The following AFF1 variants were observed in gnomAD, a reference collection of about 807,000 sequenced individuals.
AFF1 encodes ALF transcription elongation factor 1.
A neutral mutation model predicts 121.7 loss-of-function variants in AFF1; 48 were observed. The observed-to-expected ratio is 0.39, with a 90% CI of 0.31 to 0.50. AFF1 has a LOEUF of 0.50. AFF1 is among the 20% of genes least tolerant of loss of function. The pLI is 0.76. For synonymous variants in AFF1, 613 were observed against 563.0 expected, an observed-to-expected ratio of 1.09 and a Z score of -1.26; for missense variants, 1,523 against 1,511.7, an observed-to-expected ratio of 1.01 and a Z score of -0.12.
rs774827462 is a variant in AFF1 at position 87,110,552 on chromosome 4, ACTCT to A, written c.1533+2240_1533+2243del. On this transcript the variant is annotated intron_variant, in intron 11 of 20. Coordinates refer to ENST00000395146, the MANE Select transcript of AFF1 (RefSeq NM_001166693.3). ...CCAATCCTCTGGTAACCATCCTTCT[ACTCT>A]CTATCTCCATGAGTTCAATTGTTTG... Among the ~76,000 whole-genome samples the A allele has an allele frequency of 1.2e-3, 174 of 149,566 alleles. 1 individual carries two copies. The highest frequency in any genetic ancestry group is 2.0e-3 in the Non-Finnish European group (133 of 67,566).
chr4:87,011,676 T>G lies in AFF1; in HGVS notation c.39-34490T>G, dbSNP rs576940624. ...TGATCCATTGAATATTCTCACTTTT[T>G]CCTTCTTGTGACACCATTGTAAACA... is the stretch of plus-strand genomic sequence containing the variant. On this transcript the variant is annotated intron_variant, in intron 2 of 20. Transcript: ENST00000395146. Among the ~76,000 whole-genome samples the G allele has an allele frequency of 2.6e-5, 4 of 152,202 alleles. No homozygotes were observed. In the South Asian group the frequency reaches 8.3e-4, roughly 32 times the overall value.
rs1363698024 is a variant in AFF1, at chr4:87,115,003, A to G, written c.2170A>G (p.Ser724Gly). Residue 724 changes from serine to glycine, a missense_variant, in exon 12 of 21, where the codon AGC (serine) becomes GGC (glycine). Around this residue, in one of 5 missense-constraint regions of AFF1, gnomAD observed 905 missense variants for 842.5 expected, o/e 1.07. Transcript: ENST00000395146. ...GAGCCAGGGCCCACCCCACAGTGGCAGCGGCAGCAGGACTAGTGGCTGCCG... is the reference window on the plus strand; with the variant it reads ...GAGCCAGGGCCCACCCCACAGTGGCGGCGGCAGCAGGACTAGTGGCTGCCG... ...TESQGPPHSG[S>G]GSRTSGCRQA... The G allele has an allele frequency of 6.2e-7, 1 of 1,613,760 alleles. No individual in the cohort carries two copies. The highest frequency in any genetic ancestry group is 1.7e-5 in the Admixed American group (1 of 60,012).
intron 1 of AFF1, among the ~76,000 whole-genome samples, chr4:86,943,599 C>A (rs775732152): frequency 6.6e-6 from 1 of 152,172 alleles, no homozygotes; most frequent in Admixed American, 6.5e-5. Flanking sequence ...CTCAGTCGCT[C>A]ACACCTGTGA....
intron 8 of AFF1, among the ~76,000 whole-genome samples, chr4:87,095,185 C>T (rs1236573198): frequency 6.6e-6 from 1 of 152,196 alleles, no homozygotes; most frequent in Non-Finnish European, 1.5e-5. Context: ...GTGGCATGAT[C>T]TCGGCTCACT....
intron 5 of AFF1, among the ~76,000 whole-genome samples, chr4:87,085,774 A>G (rs1390994613): frequency 2.7e-5 from 4 of 148,450 alleles, no homozygotes; most frequent in Non-Finnish European, 5.9e-5. Context: ...TTTGAGACAG[A>G]GTCTCTCTCT....
At chr4:86,937,899 C>T (rs933014783) in intron 1 of AFF1, among the ~76,000 whole-genome samples, 21 of 152,152 alleles carry the variant, frequency 1.4e-4, no homozygotes, top group African/African-American at 4.8e-4. Context: ...AGCCACCGTG[C>T]CTGGCCTACA....
intron 12 of AFF1, among the ~76,000 whole-genome samples, chr4:87,119,682 T>G (rs1727489093): frequency 6.6e-6 from 1 of 152,242 alleles, no homozygotes; most frequent in African/African-American, 2.4e-5. Context: ...TCTTACAGAT[T>G]CCTTTCAAAT....
intron 2 of AFF1, among the ~76,000 whole-genome samples, chr4:86,970,298 G>C (rs970111384): frequency 1.3e-5 from 2 of 151,918 alleles, no homozygotes; most frequent in African/African-American, 4.8e-5. Flanking sequence ...GACCAGCGTG[G>C]GTAACATGGC....
At chr4:87,013,684 T>TA (rs1365899159) in intron 2 of AFF1, among the ~76,000 whole-genome samples, 28 of 144,232 alleles carry the variant, frequency 1.9e-4, no homozygotes, top group Non-Finnish European at 1.5e-5. Context: ...TTTTTTTTTT[T>TA]AAGTATTGCT....
At chr4:87,094,151 C>T (rs1724592473) in intron 7 of AFF1, among the ~76,000 whole-genome samples, 1 of 152,166 alleles carries the variant, frequency 6.6e-6, no homozygotes, top group South Asian at 2.1e-4. Flanking sequence ...TGTTTGTTCC[C>T]ACTGTCCTCT....
At position 87,135,848 on chromosome 4, in the gene AFF1, T is replaced by C; in HGVS notation, c.*147T>C. On this transcript the variant is annotated 3_prime_UTR_variant, in exon 21 of 21. Coordinates refer to ENST00000395146, the MANE Select transcript of AFF1 (RefSeq NM_001166693.3). ...CCAGGACATTTGTCCACTTAAACTC[T>C]CAACAACAGTGTGATCATTGGTTGG... 2.4e-6 allele frequency: 3 copies of C among 1,240,582 alleles called. No individual in the cohort carries two copies. Among genetic ancestry groups the C allele is most frequent in the Non-Finnish European group, 3.2e-6 (3 of 929,466 alleles). The allele number at this position is 1,240,582 out of a possible 1,614,324, so 76.8% of individuals were successfully genotyped here.
chr4:87,129,089 C>G (rs1177772415), intron 16 of AFF1, among the ~76,000 whole-genome samples: 1 of 152,214 alleles, frequency 6.6e-6, no homozygotes, highest in East Asian at 1.9e-4. Flanking sequence ...CCTAAGGTGA[C>G]TGTACATCCC....
chr4:87,021,079 G>T (rs762986501), intron 2 of AFF1, among the ~76,000 whole-genome samples: 15 of 152,108 alleles, frequency 9.9e-5, no homozygotes, highest in Non-Finnish European at 2.2e-4. Flanking sequence ...TTTAATATAT[G>T]ATCGGGCTGA....
intron 4 of AFF1, among the ~76,000 whole-genome samples, chr4:87,068,745 A>C (rs1036335920): frequency 6.6e-6 from 1 of 152,114 alleles, no homozygotes; most frequent in Non-Finnish European, 1.5e-5. Context: ...GCCTGGGAGC[A>C]CTCACTGCTT....
intron 2 of AFF1, among the ~76,000 whole-genome samples, chr4:86,976,447 G>C (rs1723311465): frequency 6.6e-6 from 1 of 152,122 alleles, no homozygotes. Context: ...CCATGAAAAA[G>C]AATGAGATCA....
In AFF1 at chr4:87,047,543, G is replaced by A. The variant is rs770422068; in HGVS notation, c.1008G>A (p.Val336=). 5 of 1,614,224 alleles carry A rather than the reference G, an allele frequency of 3.1e-6. No individual in the cohort carries two copies. Among genetic ancestry groups the A allele is most frequent in the Middle Eastern group, 1.6e-4 (1 of 6,062 alleles). ...QQTFEKTDLK[V]PAKAKLTKLK... ...CCTTTGAAAAAACAGACTTGAAAGT[G>A]CCTGCCAAAGCCAAGCTCACCAAAC... Residue 336 remains valine, a synonymous_variant, in exon 4 of 21, where the codon GTG becomes GTA. Coordinates refer to ENST00000395146, the MANE Select transcript of AFF1 (RefSeq NM_001166693.3).
chr4:87,073,229 T>C (rs1413628674), intron 4 of AFF1, among the ~76,000 whole-genome samples: 2 of 140,526 alleles, frequency 1.4e-5, no homozygotes, highest in Non-Finnish European at 3.0e-5. Context: ...CTTGAGCCCT[T>C]TTTCTAGACC....
chr4:87,074,165 A>C (rs1383733290), intron 4 of AFF1, among the ~76,000 whole-genome samples: 1 of 152,230 alleles, frequency 6.6e-6, no homozygotes, highest in Non-Finnish European at 1.5e-5. Flanking sequence ...ATTCTTCCGA[A>C]AAACACTCTG....
intron 2 of AFF1, among the ~76,000 whole-genome samples, chr4:87,000,742 G>A (rs1365814905): frequency 6.6e-6 from 1 of 151,874 alleles, no homozygotes; most frequent in Non-Finnish European, 1.5e-5. Flanking sequence ...ATTAGGGTAA[G>A]GAAGGGCATG....
Sources: gnomAD v4.1 joint callset for allele counts (sites outside exome capture counted in the v4.1 genomes callset) on GRCh38, gnomAD v4.1.1 for gene constraint, gnomAD v4.1.1 regional missense constraint, MANE v1.5 for transcripts, NCBI Gene and HGNC (gene_info 2026-07-23, HGNC 2026-07-21) for gene names.